Variants in ERMAP observed in about 807,000 individuals in gnomAD.
ERMAP encodes erythroblast membrane associated protein (Scianna blood group).
ERMAP carries 34 observed loss-of-function variants against 49.5 expected under a neutral mutation model. That is an observed-to-expected ratio of 0.69 (90% CI 0.52 to 0.91). The LOEUF (loss-of-function observed/expected upper bound fraction) is 0.91. ERMAP is among the 40% of genes least tolerant of loss of function. The pLI, the probability that ERMAP is intolerant of heterozygous loss-of-function variation, is 0.00. For missense variants in ERMAP, 541 were observed against 582.6 expected (o/e 0.93, Z 0.74); for synonymous variants, 214 against 232.2 (o/e 0.92, Z 0.71).
At chr1:42,835,874 A>T in intron 6 of ERMAP, 110 bp downstream of exon 6, 1 of 1,473,968 alleles carries the variant, frequency 6.8e-7, no homozygotes, top group East Asian at 2.5e-5. Context: ...ATTATCTGCT[A>T]TCCTTGGTGA....
chr1:42,839,717 T>C (rs1655003797), intron 8 of ERMAP: 1 of 466,396 alleles, frequency 2.1e-6, no homozygotes, highest in East Asian at 3.4e-5. Flanking sequence ...GTGATAGTTT[T>C]AAATGAAGTA....
At chr1:42,826,498 TG>T (rs1284920244) in intron 2 of ERMAP, among the ~76,000 whole-genome samples, 3 of 152,128 alleles carry the variant, frequency 2.0e-5, no homozygotes, top group African/African-American at 7.2e-5. Flanking sequence ...TCAGTGCAGA[TG>T]AAAAGTCTTC....
chr1:42,822,668 T>C (rs1654434672), intron 1 of ERMAP, among the ~76,000 whole-genome samples: 1 of 152,244 alleles, frequency 6.6e-6, no homozygotes, highest in Non-Finnish European at 1.5e-5. Context: ...TAATATATTA[T>C]TGTTAACTAT....
chr1:42,823,154 T>C (rs12069902), intron 1 of ERMAP, among the ~76,000 whole-genome samples: 3,812 of 152,284 alleles, frequency 0.025, 179 homozygotes, highest in African/African-American at 0.086. Context: ...CAAGTGGTAG[T>C]TTTTTAAAGC....
Position 42,842,979 on chromosome 1 carries a change from G to C in ERMAP, c.1175G>C (p.Arg392Pro), listed in dbSNP as rs78655996. The C allele has an allele frequency of 6.2e-7, 1 of 1,613,900 alleles. No individual in the cohort carries two copies. Among genetic ancestry groups the C allele is most frequent in the Non-Finnish European group, 8.5e-7 (1 of 1,180,014 alleles). Residue 392 changes from arginine (R) to proline (P), a missense_variant, in exon 12 of 12, where the codon CGC (arginine) becomes CCC (proline). Transcript: ENST00000372517. ...TFTHNFSGPL[R>P]PFFEPCLHDG... ...ACCCACAATTTCTCTGGCCCCCTTC[G>C]CCCTTTCTTTGAACCTTGCCTTCAT...
At chr1:42,827,603 G>T (rs1175712374) in intron 2 of ERMAP, among the ~76,000 whole-genome samples, 1 of 152,184 alleles carries the variant, frequency 6.6e-6, no homozygotes, top group African/African-American at 2.4e-5. Context: ...ATCATTTCCA[G>T]ATTTTCCTAC....
At chr1:42,833,410 A>G (rs924011561) in intron 4 of ERMAP, among the ~76,000 whole-genome samples, 1 of 152,158 alleles carries the variant, frequency 6.6e-6, no homozygotes, top group South Asian at 2.1e-4. Flanking sequence ...ATGTTTACAC[A>G]TGTGTATTCT....
rs762859577 is a variant in ERMAP, at chr1:42,836,263, C to T, written c.583+499C>T. Among the ~76,000 whole-genome samples, 39 of 152,102 alleles carry T rather than the reference C, an allele frequency of 2.6e-4. 2 individuals carry two copies. On this transcript the variant is annotated intron_variant, in intron 6 of 11. Transcript: ENST00000372517. The stretch of plus-strand genomic sequence containing the variant: ...AAGGCTATGACCAGAATGAACCAAC[C>T]AAGCTTGAGGGTTGAGGGTATGAAG...
At chr1:42,821,203 TTA>T (rs1456129199) in intron 1 of ERMAP, among the ~76,000 whole-genome samples, 2 of 152,362 alleles carry the variant, frequency 1.3e-5, no homozygotes, top group African/African-American at 4.8e-5. Context: ...CTCTTTGTCC[TTA>T]TAGGCTTTTC....
In ERMAP at chr1:42,844,806, A is replaced by C. The variant is rs773257071; in HGVS notation, c.*1574A>C. ...ACAGTCTGCATTACTCAGTCTACTG[A>C]TTTGAATGTTAATGTCATTGAGAAA... On this transcript the variant is annotated 3_prime_UTR_variant, in exon 12 of 12. Transcript: ENST00000372517. This position sits in a 1 kb window ranked among gnomAD's most constrained non-coding sequence, Gnocchi z 4.0. 6.6e-6 allele frequency: 1 copy of C among 152,212 alleles called. No individual in the cohort carries two copies. The highest frequency in any genetic ancestry group is 1.5e-5 in the Non-Finnish European group (1 of 68,042). 9.4% of individuals were successfully genotyped at this position (152,212 alleles called of 1,614,324 possible). A position where few individuals can be genotyped will look rare whatever the true frequency, so the allele number is the denominator to read the frequency against.
chr1:42,838,405 C>T (rs1197867648), intron 7 of ERMAP, among the ~76,000 whole-genome samples: 1 of 152,174 alleles, frequency 6.6e-6, no homozygotes, highest in African/African-American at 2.4e-5. Flanking sequence ...TGCAAGTACT[C>T]CCCAGAAACA....
At chr1:42,836,199 T>C (rs1364097513) in intron 6 of ERMAP, among the ~76,000 whole-genome samples, 1 of 152,128 alleles carries the variant, frequency 6.6e-6, no homozygotes, top group African/African-American at 2.4e-5. Context: ...CACAAATAAA[T>C]GTGTACAAAA....
At chr1:42,837,468 C>G (rs2124347360) in intron 7 of ERMAP, among the ~76,000 whole-genome samples, 1 of 152,172 alleles carries the variant, frequency 6.6e-6, no homozygotes, top group South Asian at 2.1e-4. Flanking sequence ...AAAAAGAAGT[C>G]TACATATTAT....
At position 42,820,559 on chromosome 1, in the gene ERMAP, A is replaced by G. The variant is rs538481803; in HGVS notation, c.-122+3306A>G. Among the ~76,000 whole-genome samples the G allele has an allele frequency of 2.0e-5, 3 of 151,546 alleles. No individual in the cohort carries two copies. The East Asian group carries it at 5.8e-4, about 29-fold the overall frequency. Reference sequence around the variant, plus strand: ...GTTTTTAAATTTTTCTTCATGTTCCATTTCCTGGTTTTGTTTATTCTAATT... The same window carrying G: ...GTTTTTAAATTTTTCTTCATGTTCCGTTTCCTGGTTTTGTTTATTCTAATT... On this transcript the variant is annotated intron_variant, in intron 1 of 11. Transcript: ENST00000372517.
At position 42,835,096 on chromosome 1, in the gene ERMAP, C is replaced by T; in HGVS notation, c.492C>T (p.Val164=). ...TGGCTCTGGCTGTGATCCTGCCTGTCCTGGTACTTCTCATCATGGTGTGCC... is the reference window on the plus strand; with the variant it reads ...TGGCTCTGGCTGTGATCCTGCCTGTTCTGGTACTTCTCATCATGGTGTGCC... ...SAVALAVILP[V]LVLLIMVCLC... The change falls in exon 5 of 12, where the codon GTC becomes GTT. Residue 164 remains valine (V), a synonymous_variant. Transcript: ENST00000372517. 6.3e-7 allele frequency: 1 copy of T among 1,588,520 alleles called. No individual in the cohort carries two copies. Among genetic ancestry groups the T allele is most frequent in the Non-Finnish European group, 8.6e-7 (1 of 1,156,578 alleles).
At chr1:42,840,717 A>G (rs1655034898) in intron 11 of ERMAP, among the ~76,000 whole-genome samples, 1 of 152,174 alleles carries the variant, frequency 6.6e-6, no homozygotes, top group Admixed American at 6.5e-5. Context: ...ACTTCCTTAT[A>G]GTATTTTTCT....
chr1:42,842,975 C>A lies in ERMAP; in HGVS notation c.1171C>A (p.Leu391Ile), dbSNP rs1283585841. The change falls in exon 12 of 12, where the codon CTT (leucine) becomes ATT (isoleucine). Residue 391 changes from leucine (L) to isoleucine (I), a missense_variant. By Grantham distance (5) the Leu-to-Ile change is conservative. Transcript: ENST00000372517. ...TTTCACCCACAATTTCTCTGGCCCC[C>A]TTCGCCCTTTCTTTGAACCTTGCCT... ...FTFTHNFSGP[L>I]RPFFEPCLHD... The A allele has an allele frequency of 1.2e-6, 2 of 1,614,078 alleles. No homozygotes were observed. Among genetic ancestry groups the A allele is most frequent in the African/African-American group, 2.7e-5 (2 of 74,914 alleles).
chr1:42,817,409 G>C (rs982579430), intron 1 of ERMAP, 156 bp downstream of exon 1: 14 of 343,146 alleles, frequency 4.1e-5, no homozygotes, highest in Non-Finnish European at 6.2e-5. Flanking sequence ...GAGGATGGCT[G>C]GAAACCCGCG....
At chr1:42,840,097 CTG>C in intron 9 of ERMAP, 44 bp downstream of exon 9, 5 of 1,614,164 alleles carry the variant, frequency 3.1e-6, no homozygotes, top group Non-Finnish European at 4.2e-6. Flanking sequence ...AACTTATCTC[CTG>C]TTGCCCTAAT....
Sources: gnomAD v4.1 joint callset for allele counts (sites outside exome capture counted in the v4.1 genomes callset) on GRCh38, gnomAD v4.1.1 for gene constraint, Gnocchi (gnomAD v3.1) non-coding constraint, MANE v1.5 for transcripts, NCBI Gene and HGNC (gene_info 2026-07-23, HGNC 2026-07-21) for gene names.